ZNF506: variants seen among roughly 807,000 people sequenced by gnomAD.
ZNF506 encodes zinc finger protein 506.
In ZNF506, 10 loss-of-function variants were observed where a neutral mutation model predicts 11.6. The ratio of observed to expected loss-of-function variants is 0.86; its 90% CI spans 0.53 to 1.46. The LOEUF (loss-of-function observed/expected upper bound fraction) is 1.46. Among genes scored for constraint, ZNF506 ranks in the 40% most tolerant of loss-of-function variants. ZNF506 has a pLI of 0.00. For missense variants in ZNF506, 425 were observed against 521.2 expected (o/e 0.82, Z 1.80); for synonymous variants, 156 against 173.3 (o/e 0.90, Z 0.78).
chr19:19,819,733 G>C (rs541421670), intron 1 of ZNF506, among the ~76,000 whole-genome samples: 1 of 152,282 alleles, frequency 6.6e-6, no homozygotes, highest in East Asian at 1.9e-4. Context: ...ATTATTCTTT[G>C]CTTTCTTCTC....
At chr19:19,805,592 GA>G in intron 3 of ZNF506, among the ~76,000 whole-genome samples, 1 of 151,890 alleles carries the variant, frequency 6.6e-6, no homozygotes, top group Non-Finnish European at 1.5e-5. Flanking sequence ...TAATAAAACA[GA>G]AAAATGAACA....
At chr19:19,799,862 C>G (rs1413088450) in intron 3 of ZNF506, among the ~76,000 whole-genome samples, 2 of 128,272 alleles carry the variant, frequency 1.6e-5, no homozygotes, top group Non-Finnish European at 3.2e-5. Flanking sequence ...ACAAAGTACC[C>G]AACAGTCTTC....
Position 19,793,235 on chromosome 19 carries a change from T to C in ZNF506, c.*1317A>G, listed in dbSNP as rs1225975027. ...GTTGTGGATTCATTTTTATACTCAA[T>C]ACTCTGATTTAGTGTAATGTCTGAA... On this transcript the variant is annotated 3_prime_UTR_variant, in exon 4 of 4. Coordinates refer to ENST00000540806, the MANE Select transcript of ZNF506 (RefSeq NM_001099269.3). 1.3e-5 allele frequency among the ~76,000 whole-genome samples: 2 copies of C among 152,206 alleles called. No homozygotes were observed. Among genetic ancestry groups the C allele is most frequent in the African/African-American group, 4.8e-5 (2 of 41,470 alleles).
chr19:19,794,692 A>T lies in ZNF506; in HGVS notation c.1195T>A (p.Cys399Ser), dbSNP rs373728486. The T allele has an allele frequency of 1.2e-5, 19 of 1,613,936 alleles. No individual in the cohort carries two copies. Among genetic ancestry groups the T allele is most frequent in the Non-Finnish European group, 1.4e-5 (16 of 1,180,008 alleles). ...IIHTGEKPYK[C>S]EECGKAFNWS... is the part of the protein sequence containing the mutation. ...TTAAAAGCTTTGCCACATTCTTCAC[A>T]TTTGTACGGTTTCTCTCCAGTATGA... is the stretch of plus-strand genomic sequence containing the variant. Residue 399 changes from cysteine to serine, a missense_variant, in exon 4 of 4, where the codon TGT becomes AGT. By Grantham distance (112) the Cys-to-Ser change is moderately radical. Around this residue, in one of 3 missense-constraint regions of ZNF506, gnomAD observed 192 missense variants for 215.7 expected, o/e 0.89. Coordinates refer to ENST00000540806, the MANE Select transcript of ZNF506 (RefSeq NM_001099269.3).
At chr19:19,806,847 T>A in intron 2 of ZNF506, 95 bp downstream of exon 2, 8 of 1,430,120 alleles carry the variant, frequency 5.6e-6, no homozygotes, top group Non-Finnish European at 7.5e-6. Context: ...GAAACTCTTG[T>A]ATGCAAAGAA....
chr19:19,809,899 G>GCA (rs1040279203), intron 1 of ZNF506, among the ~76,000 whole-genome samples: 6 of 152,084 alleles, frequency 3.9e-5, no homozygotes, highest in Non-Finnish European at 7.4e-5. Flanking sequence ...GTCATATGAG[G>GCA]CACTTCATTA....
chr19:19,816,527 T>G (rs984794668), intron 1 of ZNF506, among the ~76,000 whole-genome samples: 2 of 152,076 alleles, frequency 1.3e-5, no homozygotes, highest in Non-Finnish European at 2.9e-5. Context: ...CTGGCTAATT[T>G]TTTTGTATTT....
Position 19,821,692 on chromosome 19 carries a change from G to T in ZNF506, c.-89C>A, listed in dbSNP as rs1035012860. On this transcript the variant is annotated 5_prime_UTR_variant, in exon 1 of 4. Transcript: ENST00000540806. ...GGCCACAGAGGCTGGGCCTCTAGGA[G>T]CTGACGGCACAGAGCAGTGAAGACG... 3 of 1,523,780 alleles carry T rather than the reference G, an allele frequency of 2.0e-6. No individual in the cohort carries two copies. Among genetic ancestry groups the T allele is most frequent in the Non-Finnish European group, 2.7e-6 (3 of 1,098,714 alleles). 94.4% of individuals were successfully genotyped at this position (1,523,780 alleles called of 1,614,324 possible).
chr19:19,816,868 G>A (rs753902134), intron 1 of ZNF506, among the ~76,000 whole-genome samples: 2 of 136,452 alleles, frequency 1.5e-5, no homozygotes, highest in Admixed American at 8.1e-5. Context: ...TGCCCAGGCT[G>A]GAGTGCAACG....
intron 3 of ZNF506, chr19:19,797,943 T>C (rs1384717418): frequency 1.3e-5 from 2 of 152,134 alleles, no homozygotes; most frequent in Non-Finnish European, 2.9e-5. Context: ...AATAACCAAA[T>C]CCTGAGAAAG....
At chr19:19,805,365 T>C (rs1262264253) in intron 3 of ZNF506, among the ~76,000 whole-genome samples, 3 of 152,116 alleles carry the variant, frequency 2.0e-5, no homozygotes, top group Admixed American at 2.0e-4. Flanking sequence ...AGATTAAATA[T>C]TACTGAAGTG....
At chr19:19,804,385 A>G (rs535278459) in intron 3 of ZNF506, among the ~76,000 whole-genome samples, 1 of 152,216 alleles carries the variant, frequency 6.6e-6, no homozygotes, top group Non-Finnish European at 1.5e-5. Context: ...ACAATGAGAT[A>G]CCATCTCACA....
intron 1 of ZNF506, among the ~76,000 whole-genome samples, chr19:19,820,963 G>C (rs552760612): frequency 1.1e-3 from 170 of 151,766 alleles, no homozygotes; most frequent in African/African-American, 3.9e-3. Context: ...TCAGTGGCGC[G>C]ATCTCAGCTC....
At chr19:19,816,931 T>C (rs2145207264) in intron 1 of ZNF506, among the ~76,000 whole-genome samples, 1 of 146,420 alleles carries the variant, frequency 6.8e-6, no homozygotes, top group East Asian at 2.1e-4. Flanking sequence ...TACAGGCATG[T>C]AAGCCTGCAA....
intron 1 of ZNF506, among the ~76,000 whole-genome samples, chr19:19,819,005 G>C (rs1383048110): frequency 6.6e-6 from 1 of 152,000 alleles, no homozygotes; most frequent in Non-Finnish European, 1.5e-5. Flanking sequence ...AACAACAACA[G>C]CACAAACACC....
In ZNF506 at chr19:19,794,649, T is replaced by C. The variant is rs761562502; in HGVS notation, c.1238A>G (p.Asn413Ser). The C allele has an allele frequency of 1.4e-5, 23 of 1,613,690 alleles. No individual in the cohort carries two copies. In the Middle Eastern group the frequency reaches 9.9e-4, roughly 69 times the overall value. Reference sequence around the variant, plus strand: ...TCTAATATGAATTTTCTTATGTTTATTAAGGGCTGAGGACCAGTTAAAAGC... The same window carrying C: ...TCTAATATGAATTTTCTTATGTTTACTAAGGGCTGAGGACCAGTTAAAAGC... ...GKAFNWSSAL[N>S]KHKKIHIRQK... Residue 413 changes from asparagine to serine, a missense_variant, in exon 4 of 4, where the codon AAT (asparagine) becomes AGT (serine). Around this residue, in one of 3 missense-constraint regions of ZNF506, gnomAD observed 192 missense variants for 215.7 expected, o/e 0.89. Coordinates refer to ENST00000540806, the MANE Select transcript of ZNF506 (RefSeq NM_001099269.3).
intron 1 of ZNF506, among the ~76,000 whole-genome samples, chr19:19,817,929 GC>G (rs1468129108): frequency 6.7e-6 from 1 of 149,772 alleles, no homozygotes; most frequent in Non-Finnish European, 1.5e-5. Flanking sequence ...CCGGGTTCAA[GC>G]CACTCTCCTG....
At position 19,794,605 on chromosome 19, in the gene ZNF506, TCACTATG is replaced by T; in HGVS notation, c.1275_1281del (p.Cys425Ter). The T allele has an allele frequency of 6.2e-7, 1 of 1,608,134 alleles. No homozygotes were observed. Among genetic ancestry groups the T allele is most frequent in the Non-Finnish European group, 8.5e-7 (1 of 1,178,168 alleles). ...ACATTTAAAAGATTTTCCACATTCT[TCACTATG>T]CAGGGTTTCTGTCTAATATGAATTT... On this transcript the variant is annotated frameshift_variant, in exon 4 of 4. Coordinates refer to ENST00000540806, the MANE Select transcript of ZNF506 (RefSeq NM_001099269.3). LOFTEE classifies it low-confidence loss of function (END_TRUNC).
In ZNF506 at chr19:19,807,059, G is replaced by C. The variant is rs370723240; in HGVS notation, c.13C>G (p.Gln5Glu). The change falls in exon 2 of 4, where the codon CAA becomes GAA. Residue 5 changes from glutamine (Q) to glutamate (E), a missense_variant. Physicochemically the swap from Gln to Glu is conservative, Grantham distance 29. Around this residue, in one of 3 missense-constraint regions of ZNF506, gnomAD observed 226 missense variants for 279.1 expected, o/e 0.81. Transcript: ENST00000540806. ...AATTCTATGGCCACATCTCTAAATT[G>C]CAATGGTCCCTGAAAAAAACACACA... MGPL[Q>E]FRDVAIEFSL... 76 of 1,613,492 alleles carry C rather than the reference G, an allele frequency of 4.7e-5. No homozygotes were observed. The highest frequency in any genetic ancestry group is 6.4e-5 in the Non-Finnish European group (76 of 1,179,846).
Sources: gnomAD v4.1 joint callset for allele counts (sites outside exome capture counted in the v4.1 genomes callset) on GRCh38, gnomAD v4.1.1 for gene constraint, gnomAD v4.1.1 regional missense constraint, MANE v1.5 for transcripts, NCBI Gene and HGNC (gene_info 2026-07-23, HGNC 2026-07-21) for gene names.